The following ZC4H2 variants were observed in gnomAD, a reference collection of about 807,000 sequenced individuals.
ZC4H2 encodes the protein zinc finger C4H2 domain-containing protein.
For synonymous variants in ZC4H2, 84 were observed against 66.3 expected (o/e 1.27, Z -1.30); for missense variants, 137 against 173.9 (o/e 0.79, Z 1.19).
intron 1 of ZC4H2, among the ~76,000 whole-genome samples, chrX:65,026,598 A>G (rs1172393387): frequency 9.1e-6 from 1 of 110,217 alleles, no homozygotes; most frequent in African/African-American, 3.3e-5. Flanking sequence ...AGTCCCAGCT[A>G]CTCGGGAGGC....
rs939671840 is a variant in ZC4H2, at chrX:65,021,025, G to A, written c.-272+13604C>T. 4.5e-5 allele frequency among the ~76,000 whole-genome samples: 5 copies of A among 110,687 alleles called. No homozygotes were observed. The East Asian group carries it at 1.4e-3, about 31-fold the overall frequency. ...ATACAGGAGCACCCAGATTCATAAA[G>A]CAAGTTCTTAGAGACCTACAAAGAG... On this transcript the variant is annotated intron_variant, in intron 1 of 4. Coordinates refer to the ZC4H2 transcript ENST00000337990.
intron 1 of ZC4H2, among the ~76,000 whole-genome samples, chrX:64,946,017 C>A (rs1930510912): frequency 9.0e-6 from 1 of 111,151 alleles, no homozygotes; most frequent in Non-Finnish European, 1.9e-5. Context: ...TTGCTGGGCT[C>A]TGTGGGGGTG....
intron 1 of ZC4H2, among the ~76,000 whole-genome samples, chrX:64,943,248 C>T (rs781699554): frequency 8.9e-6 from 1 of 111,868 alleles, no homozygotes; most frequent in African/African-American, 3.2e-5. Context: ...GTTTTACTTC[C>T]TTTATGTGGT....
intron 3 of ZC4H2, 144 bp downstream of exon 3, chrX:64,919,937 G>A (rs1929110349): frequency 3.6e-6 from 2 of 552,933 alleles, no homozygotes; most frequent in Non-Finnish European, 5.3e-6. Flanking sequence ...GTAAGCCACT[G>A]AAAGGCCTGG....
At chrX:64,936,998 A>AG (rs1930042937) in intron 1 of ZC4H2, among the ~76,000 whole-genome samples, 1 of 111,224 alleles carries the variant, frequency 9.0e-6, no homozygotes, top group Non-Finnish European at 1.9e-5. Flanking sequence ...GTCAAGATCC[A>AG]TCAGTGTGCT....
At chrX:64,936,713 A>T (rs1488195726) in intron 1 of ZC4H2, among the ~76,000 whole-genome samples, 1 of 111,790 alleles carries the variant, frequency 8.9e-6, no homozygotes, top group Non-Finnish European at 1.9e-5. Flanking sequence ...CTTTACAGAC[A>T]AGCAAATGCT....
intron 1 of ZC4H2, among the ~76,000 whole-genome samples, chrX:64,922,534 G>A (rs747708168): frequency 1.1e-4 from 12 of 111,968 alleles, no homozygotes; most frequent in African/African-American, 3.9e-4. Flanking sequence ...TTGCAAATAT[G>A]GAGTGTTTTG....
chrX:64,945,305 T>G (rs1271750286), intron 1 of ZC4H2, among the ~76,000 whole-genome samples: 1 of 112,619 alleles, frequency 8.9e-6, no homozygotes, highest in Non-Finnish European at 1.9e-5. Context: ...TATTGCTTTG[T>G]GTTTGTTAGT....
At chrX:65,003,092 T>A (rs1326342248) in intron 1 of ZC4H2, among the ~76,000 whole-genome samples, 1 of 97,868 alleles carries the variant, frequency 1.0e-5, no homozygotes, top group African/African-American at 4.0e-5. Context: ...ATTTGGGATA[T>A]ATTTATAATA....
chrX:64,977,358 G>A (rs1359597125), upstream of ZC4H2, among the ~76,000 whole-genome samples: 1 of 111,487 alleles, frequency 9.0e-6, no homozygotes, highest in Non-Finnish European at 1.9e-5. Flanking sequence ...TATATGAGGT[G>A]TAGAGGTGGA....
At chrX:64,956,759 C>T (rs748509731) in intron 1 of ZC4H2, among the ~76,000 whole-genome samples, 1 of 112,321 alleles carries the variant, frequency 8.9e-6, no homozygotes, top group East Asian at 2.8e-4. Flanking sequence ...TAAGGAAACA[C>T]ATAGATCCTA....
At chrX:65,028,026 T>C (rs1361583912) in intron 1 of ZC4H2, among the ~76,000 whole-genome samples, 1 of 111,964 alleles carries the variant, frequency 8.9e-6, no homozygotes, top group Non-Finnish European at 1.9e-5. Flanking sequence ...TCTGCCTCCT[T>C]TTTCTTTACT....
chrX:64,933,844 A>G (rs1929866112), intron 1 of ZC4H2, among the ~76,000 whole-genome samples: 1 of 111,773 alleles, frequency 8.9e-6, no homozygotes, highest in African/African-American at 3.3e-5. Flanking sequence ...CTTCAGGTCA[A>G]GAGGAAACAT....
chrX:65,019,029 C>T lies in ZC4H2; in HGVS notation c.-272+15600G>A, dbSNP rs139040821. Among the ~76,000 whole-genome samples, 677 of 111,918 alleles carry T rather than the reference C, an allele frequency of 6.0e-3. 6 individuals carry two copies. The highest frequency in any genetic ancestry group is 0.02 in the African/African-American group (628 of 30,839). ...GGCATCTCTGAAAAAAAGGCAGCAGCCCCAGTCAGGGGCTTATAGATAAAA... is the reference window on the plus strand; with the variant it reads ...GGCATCTCTGAAAAAAAGGCAGCAGTCCCAGTCAGGGGCTTATAGATAAAA... On this transcript the variant is annotated intron_variant, in intron 1 of 4. Coordinates refer to the ZC4H2 transcript ENST00000337990.
rs942215556 is a variant in ZC4H2, at chrX:64,923,099, C to G, written c.54-1111G>C. ...AAGTTAATACACAGAGGTGTACTTT[C>G]TGGGCTTTCAGCAAAATTAGGATAT... On this transcript the variant is annotated intron_variant, in intron 1 of 4. Transcript: ENST00000374839. Among the ~76,000 whole-genome samples, 2 of 111,923 alleles carry G rather than the reference C, an allele frequency of 1.8e-5. 1 individual carries two copies. Among genetic ancestry groups the G allele is most frequent in the South Asian group, 7.5e-4 (2 of 2,682 alleles).
At chrX:65,026,004 A>G (rs1161547798) in intron 1 of ZC4H2, among the ~76,000 whole-genome samples, 1 of 111,846 alleles carries the variant, frequency 8.9e-6, no homozygotes, top group Non-Finnish European at 1.9e-5. Flanking sequence ...GAGAGAGAGC[A>G]TTGCTGAAAC....
chrX:64,919,507 G>C (rs995733343), intron 3 of ZC4H2: 16 of 215,216 alleles, frequency 7.4e-5, no homozygotes, highest in Admixed American at 2.6e-4. Flanking sequence ...TTCCTATTAA[G>C]TGTCCTAAGG....
intron 2 of ZC4H2, among the ~76,000 whole-genome samples, chrX:64,920,580 T>G (rs1370588142): frequency 3.6e-5 from 4 of 112,425 alleles, no homozygotes; most frequent in African/African-American, 1.3e-4. Flanking sequence ...GGAATGTCCT[T>G]CAGAGCTCAT....
chrX:65,018,424 AG>A (rs1489658782), intron 1 of ZC4H2, among the ~76,000 whole-genome samples: 4 of 112,137 alleles, frequency 3.6e-5, no homozygotes, highest in Non-Finnish European at 7.5e-5. Flanking sequence ...GGAAGCACAA[AG>A]GGTTGGTGGA....
Sources: gnomAD v4.1 joint callset for allele counts (sites outside exome capture counted in the v4.1 genomes callset) on GRCh38, gnomAD v4.1.1 for gene constraint, MANE v1.5 for transcripts, NCBI Gene and HGNC (gene_info 2026-07-23, HGNC 2026-07-21) for gene names.